DNM3: variants seen among roughly 807,000 people sequenced by gnomAD.
The protein encoded by DNM3 is dynamin 3.
DNM3 carries 47 observed loss-of-function variants against 101.6 expected under a neutral mutation model. The observed-to-expected ratio is 0.46, with a 90% CI of 0.37 to 0.59. DNM3 has a LOEUF of 0.59. Ranked by LOEUF, DNM3 falls within the 20% of genes least tolerant of loss-of-function variation. The pLI is 0.00. For missense variants in DNM3, 849 were observed against 1,085.7 expected, an observed-to-expected ratio of 0.78 and a Z score of 3.06; for synonymous variants, 385 against 387.9, an observed-to-expected ratio of 0.99 and a Z score of 0.09.
At chr1:171,881,805 G>C (rs916757061) in intron 1 of DNM3, among the ~76,000 whole-genome samples, 1 of 152,180 alleles carries the variant, frequency 6.6e-6, no homozygotes, top group African/African-American at 2.4e-5. Context: ...TGTTAGCAGA[G>C]GAACAGGATT....
intron 1 of DNM3, among the ~76,000 whole-genome samples, chr1:171,914,924 TG>T (rs1001689779): frequency 1.4e-5 from 2 of 146,524 alleles, no homozygotes; most frequent in Non-Finnish European, 3.0e-5. Flanking sequence ...CATGTGGGGG[TG>T]GGGGGACCTC....
At chr1:172,245,808 A>T (rs975891928) in intron 14 of DNM3, among the ~76,000 whole-genome samples, 2 of 152,184 alleles carry the variant, frequency 1.3e-5, no homozygotes, top group Admixed American at 1.3e-4. Context: ...CGGCTAGGGA[A>T]CAAGGATCTG....
At chr1:172,015,049 A>G (rs2047364376) in intron 4 of DNM3, among the ~76,000 whole-genome samples, 12 of 152,058 alleles carry the variant, frequency 7.9e-5, no homozygotes, top group Admixed American at 7.9e-4. Flanking sequence ...TTGCTCCACC[A>G]TATTGCCTTT....
At chr1:172,266,079 G>T (rs537507042) in intron 15 of DNM3, among the ~76,000 whole-genome samples, 2 of 152,056 alleles carry the variant, frequency 1.3e-5, no homozygotes, top group Admixed American at 6.6e-5. Flanking sequence ...AAATAATGCC[G>T]CAATATAGTT....
chr1:172,248,181 A>T (rs923746540), intron 14 of DNM3, among the ~76,000 whole-genome samples: 2 of 152,110 alleles, frequency 1.3e-5, no homozygotes, highest in Non-Finnish European at 2.9e-5. Flanking sequence ...GGTTAGTAAA[A>T]CTTCATCTAA....
At chr1:171,945,083 T>C (rs1018925433) in intron 2 of DNM3, among the ~76,000 whole-genome samples, 1 of 151,956 alleles carries the variant, frequency 6.6e-6, no homozygotes, top group African/African-American at 2.4e-5. Flanking sequence ...TTGCCCAGGC[T>C]GGTCTAGAAC....
At chr1:171,966,647 C>T (rs1433742683) in intron 2 of DNM3, among the ~76,000 whole-genome samples, 2 of 152,188 alleles carry the variant, frequency 1.3e-5, no homozygotes, top group Non-Finnish European at 2.9e-5. Flanking sequence ...TAGAGTCATA[C>T]ACATTCAGAA....
intron 15 of DNM3, among the ~76,000 whole-genome samples, chr1:172,281,067 TTGTG>T (rs141875053): frequency 4.6e-4 from 69 of 148,710 alleles, no homozygotes; most frequent in East Asian, 2.6e-3. Flanking sequence ...TGTGATAATA[TTGTG>T]TGTGTGTGTG....
intron 1 of DNM3, among the ~76,000 whole-genome samples, chr1:171,913,910 T>C (rs1163751391): frequency 6.6e-6 from 1 of 151,822 alleles, no homozygotes; most frequent in Non-Finnish European, 1.5e-5. Context: ...TGCCTCAGGC[T>C]CCCGAGTAGC....
intron 17 of DNM3, among the ~76,000 whole-genome samples, chr1:172,345,966 A>G (rs2066908695): frequency 6.6e-6 from 1 of 151,894 alleles, no homozygotes; most frequent in Non-Finnish European, 1.5e-5. Context: ...TAAAAATACA[A>G]AAAAATTAGC....
intron 15 of DNM3, among the ~76,000 whole-genome samples, chr1:172,300,962 T>G: frequency 6.6e-6 from 1 of 152,188 alleles, no homozygotes; most frequent in African/African-American, 2.4e-5. Flanking sequence ...CACATCAAGA[T>G]TCCTTGGCAA....
At chr1:172,178,245 G>A (rs944274257) in intron 14 of DNM3, among the ~76,000 whole-genome samples, 2 of 151,930 alleles carry the variant, frequency 1.3e-5, no homozygotes, top group African/African-American at 4.8e-5. Flanking sequence ...ATGTGGTTAT[G>A]TGGCATATGG....
chr1:172,414,902 TAAAA>T (rs138381362), downstream of DNM3, among the ~76,000 whole-genome samples: 47,933 of 119,116 alleles, frequency 0.4, 11,246 homozygotes, highest in East Asian at 0.61. Context: ...ACCTCATCTC[TAAAA>T]AAAAAAAAAA....
intron 2 of DNM3, among the ~76,000 whole-genome samples, chr1:171,929,679 T>C (rs2040848980): frequency 2.6e-5 from 4 of 152,168 alleles, no homozygotes; most frequent in African/African-American, 9.7e-5. Flanking sequence ...ACAGCAAAGA[T>C]GGCAGCCTGG....
chr1:172,309,052 G>A (rs968192573), intron 16 of DNM3: 8 of 427,082 alleles, frequency 1.9e-5, no homozygotes, highest in African/African-American at 1.6e-4. Flanking sequence ...CAATATATTT[G>A]TTAAAGAAAA....
chr1:172,108,748 T>C (rs1337589336), intron 13 of DNM3, among the ~76,000 whole-genome samples: 2 of 152,216 alleles, frequency 1.3e-5, no homozygotes, highest in Non-Finnish European at 2.9e-5. Flanking sequence ...TAATTGAACC[T>C]CAGTTCCTTG....
At chr1:171,863,864 A>C (rs2034439582) in intron 1 of DNM3, among the ~76,000 whole-genome samples, 1 of 152,238 alleles carries the variant, frequency 6.6e-6, no homozygotes, top group Admixed American at 6.5e-5. Flanking sequence ...CACAGGTAGA[A>C]GGTATTTACT....
At chr1:172,200,996 G>A (rs1437537087) in intron 14 of DNM3, among the ~76,000 whole-genome samples, 1 of 152,138 alleles carries the variant, frequency 6.6e-6, no homozygotes, top group Non-Finnish European at 1.5e-5. Flanking sequence ...CTCTGTGTGT[G>A]GGTGTTCCTT....
intron 1 of DNM3, among the ~76,000 whole-genome samples, chr1:171,889,383 C>T (rs1379760056): frequency 1.3e-5 from 2 of 152,046 alleles, no homozygotes; most frequent in East Asian, 3.9e-4. Context: ...TTTATATATT[C>T]TCTAGCCATA....
Sources: allele counts gnomAD v4.1 joint callset (sites outside exome capture counted in the v4.1 genomes callset), GRCh38; gene constraint gnomAD v4.1.1; transcripts MANE v1.5; gene names NCBI Gene and HGNC (gene_info 2026-07-23, HGNC 2026-07-21).